The following KIFAP3 variants were observed in gnomAD, a reference collection of about 807,000 sequenced individuals.
The protein encoded by KIFAP3 is kinesin associated protein 3.
A neutral mutation model predicts 106.5 loss-of-function variants in KIFAP3; 68 were observed. That is an observed-to-expected ratio of 0.64 (90% confidence interval 0.53 to 0.78). The LOEUF is 0.78. Ranked by LOEUF, KIFAP3 falls within the 30% of genes least tolerant of loss-of-function variation. The pLI, the probability that KIFAP3 is intolerant of heterozygous loss-of-function variation, is 0.00. For missense variants in KIFAP3, 780 were observed against 941.8 expected (o/e 0.83, Z 2.25); for synonymous variants, 320 against 311.5 (o/e 1.03, Z -0.29).
At chr1:169,938,930 G>A (rs572782726) in intron 19 of KIFAP3, among the ~76,000 whole-genome samples, 12 of 152,302 alleles carry the variant, frequency 7.9e-5, no homozygotes, top group Admixed American at 7.2e-4. Context: ...TCCAGAGTGG[G>A]TAGAATTAAC....
chr1:169,966,831 C>T (rs1352107833), intron 17 of KIFAP3, among the ~76,000 whole-genome samples: 1 of 151,726 alleles, frequency 6.6e-6, no homozygotes, highest in African/African-American at 2.4e-5. Flanking sequence ...AATGTTGCCT[C>T]AGGTTTTCAA....
chr1:170,065,330 G>C (rs1671380907), intron 1 of KIFAP3, among the ~76,000 whole-genome samples: 1 of 151,802 alleles, frequency 6.6e-6, no homozygotes, highest in South Asian at 2.1e-4. Flanking sequence ...AGAAATATTG[G>C]TGGCCGGGCG....
intron 10 of KIFAP3, among the ~76,000 whole-genome samples, chr1:170,005,880 C>A (rs1037988667): frequency 5.5e-5 from 8 of 144,766 alleles, no homozygotes; most frequent in East Asian, 2.1e-4. Context: ...AAAAAAAAAA[C>A]CCTGTATACC....
chr1:169,992,122 A>T, intron 11 of KIFAP3, 33 bp downstream of exon 11: 2 of 1,051,484 alleles, frequency 1.9e-6, no homozygotes, highest in Non-Finnish European at 2.7e-6. Context: ...TATATTTGTT[A>T]AATGTTTTTC....
rs775049032 is a variant in KIFAP3, at chr1:169,954,056, T to G, written c.2228A>C (p.His743Pro). The part of the protein sequence containing the change: ...AISPDFFNDY[H>P]LQNGDVVGQH... ...CCCAACAACATCTCCATTTTGAAGGTGGTAATCATTGAAGAAATCGGGACT... is the reference window on the plus strand; with the variant it reads ...CCCAACAACATCTCCATTTTGAAGGGGGTAATCATTGAAGAAATCGGGACT... The change falls in exon 19 of 20, where the codon CAC becomes CCC. Residue 743 changes from histidine (H) to proline (P), a missense_variant. Physicochemically the swap from His to Pro is moderately conservative, Grantham distance 77. Around this residue, in one of 3 missense-constraint regions of KIFAP3, gnomAD observed 114 missense variants for 122.3 expected, o/e 0.93. Transcript: ENST00000361580. 3.7e-6 allele frequency: 6 copies of G among 1,613,554 alleles called. No homozygotes were observed. The Admixed American group carries it at 8.3e-5, about 22-fold the overall frequency.
chr1:170,049,881 G>GA (rs1296231707), intron 2 of KIFAP3, among the ~76,000 whole-genome samples: 1 of 151,302 alleles, frequency 6.6e-6, no homozygotes, highest in African/African-American at 2.4e-5. Flanking sequence ...ATGAAAATGA[G>GA]AAAAAAACCA....
chr1:170,066,121 G>T (rs1671432044), intron 1 of KIFAP3, among the ~76,000 whole-genome samples: 1 of 148,918 alleles, frequency 6.7e-6, no homozygotes, highest in African/African-American at 2.5e-5. Context: ...TTTTTCACAA[G>T]GTATTTAAGA....
chr1:169,969,344 G>A (rs1357452622), intron 17 of KIFAP3, among the ~76,000 whole-genome samples: 1 of 151,934 alleles, frequency 6.6e-6, no homozygotes, highest in Admixed American at 6.6e-5. Context: ...TTATTAATAA[G>A]ACCACCTTTT....
chr1:169,923,652 T>C (rs879634058), intron 19 of KIFAP3, among the ~76,000 whole-genome samples: 10 of 152,220 alleles, frequency 6.6e-5, no homozygotes, highest in Non-Finnish European at 1.3e-4. Flanking sequence ...GCAAGATCTA[T>C]TTCAGTAATA....
At chr1:169,949,190 A>G (rs191117751) in intron 19 of KIFAP3, among the ~76,000 whole-genome samples, 8 of 152,136 alleles carry the variant, frequency 5.3e-5, no homozygotes, top group Admixed American at 6.5e-5. Context: ...TATGTAATAT[A>G]TAATACATAT....
intron 1 of KIFAP3, among the ~76,000 whole-genome samples, chr1:170,083,686 C>T (rs1202958478): frequency 2.6e-5 from 4 of 152,040 alleles, no homozygotes; most frequent in Admixed American, 6.6e-5. Context: ...TATTACCTAC[C>T]TACCATTTAT....
At chr1:170,037,669 G>T (rs574450717) in intron 5 of KIFAP3, among the ~76,000 whole-genome samples, 2 of 152,068 alleles carry the variant, frequency 1.3e-5, no homozygotes, top group Non-Finnish European at 2.9e-5. Flanking sequence ...CCCGGGAGGC[G>T]GAGGTTGCAG....
chr1:170,013,680 C>T (rs999976872), intron 10 of KIFAP3, among the ~76,000 whole-genome samples: 6 of 151,930 alleles, frequency 3.9e-5, no homozygotes, highest in Admixed American at 1.3e-4. Context: ...TGTGTCAGGA[C>T]GTGATATTTA....
intron 1 of KIFAP3, among the ~76,000 whole-genome samples, chr1:170,072,398 A>G (rs773785146): frequency 1.3e-5 from 2 of 152,222 alleles, no homozygotes; most frequent in African/African-American, 2.4e-5. Context: ...ATTAAGTATC[A>G]TGAGACCCTA....
chr1:170,074,671 G>A lies in KIFAP3; in HGVS notation c.-204C>T, dbSNP rs929967758. ...CTTCTGTGCCCCAAAACACTGGAGC[G>A]GCCCAGACCCGCCCAGAGTCGCCTA... On this transcript the variant is annotated 5_prime_UTR_variant, in exon 1 of 20. Coordinates refer to ENST00000361580, the MANE Select transcript of KIFAP3 (RefSeq NM_014970.4). The A allele has an allele frequency of 2.0e-5, 28 of 1,429,570 alleles. No homozygotes were observed. In the African/African-American group the frequency reaches 3.3e-4, roughly 17 times the overall value. 88.6% of individuals were successfully genotyped at this position (1,429,570 alleles called of 1,614,324 possible).
At chr1:169,955,004 A>G (rs1664932503) in intron 18 of KIFAP3, among the ~76,000 whole-genome samples, 2 of 152,234 alleles carry the variant, frequency 1.3e-5, no homozygotes, top group South Asian at 2.1e-4. Flanking sequence ...ATCTGAGGAA[A>G]AAAAGATCTA....
intron 9 of KIFAP3, among the ~76,000 whole-genome samples, chr1:170,021,357 G>A (rs1479415200): frequency 2.1e-5 from 3 of 144,478 alleles, no homozygotes; most frequent in African/African-American, 5.1e-5. Context: ...TTTCCTTTTG[G>A]AAAAAAAACA....
chr1:169,963,734 T>C (rs1362641459), intron 17 of KIFAP3, among the ~76,000 whole-genome samples: 2 of 152,162 alleles, frequency 1.3e-5, no homozygotes, highest in East Asian at 3.9e-4. Flanking sequence ...CCTCAGGTAA[T>C]CTGCCTGCCT....
At chr1:169,944,758 G>C (rs962347320) in intron 19 of KIFAP3, among the ~76,000 whole-genome samples, 1 of 152,144 alleles carries the variant, frequency 6.6e-6, no homozygotes, top group Non-Finnish European at 1.5e-5. Flanking sequence ...ATCTGCAGTG[G>C]GTAGCTCCTT....
Sources: allele counts gnomAD v4.1 joint callset (sites outside exome capture counted in the v4.1 genomes callset), GRCh38; gene constraint gnomAD v4.1.1; regional missense constraint gnomAD v4.1.1; transcripts MANE v1.5; gene names NCBI Gene and HGNC (gene_info 2026-07-23, HGNC 2026-07-21).